Variants in SDK1 observed in about 807,000 individuals in gnomAD.
SDK1 encodes the protein sidekick cell adhesion molecule 1.
A neutral mutation model predicts 245.5 loss-of-function variants in SDK1; 157 were observed. That is an observed-to-expected ratio of 0.64 (90% confidence interval 0.56 to 0.73). SDK1 has a LOEUF of 0.73. SDK1 is among the 30% of genes least tolerant of loss of function. SDK1 has a pLI of 0.00. For missense variants in SDK1, 3,583 were observed against 3,002.3 expected (o/e 1.19, Z -4.52); for synonymous variants, 1,647 against 1,278.5 (o/e 1.29, Z -6.15).
At chr7:3,559,776 CAA>C (rs1779693582) in intron 1 of SDK1, among the ~76,000 whole-genome samples, 1 of 141,700 alleles carries the variant, frequency 7.1e-6, no homozygotes, top group Admixed American at 7.0e-5. Flanking sequence ...AAAAAAAACA[CAA>C]AAATCTAAAC....
At chr7:4,069,318 A>G (rs561613508) in intron 20 of SDK1, among the ~76,000 whole-genome samples, 2 of 152,148 alleles carry the variant, frequency 1.3e-5, no homozygotes, top group African/African-American at 4.8e-5. Flanking sequence ...TTTTCTAAAC[A>G]TTACCAAGGA....
At chr7:3,520,769 C>T (rs1922018) in intron 1 of SDK1, among the ~76,000 whole-genome samples, 111,543 of 152,134 alleles carry the variant, frequency 0.73, 42,103 homozygotes, top group African/African-American at 0.92. Context: ...CCAGCTGCTG[C>T]TGGCATAGCA....
chr7:3,495,041 A>G (rs1030650399), intron 1 of SDK1, among the ~76,000 whole-genome samples: 5 of 151,880 alleles, frequency 3.3e-5, no homozygotes, highest in East Asian at 1.9e-4. Flanking sequence ...AATTTCTTCA[A>G]TTTGTCTCTC....
At chr7:3,691,053 A>G (rs887693224) in intron 4 of SDK1, among the ~76,000 whole-genome samples, 3 of 152,222 alleles carry the variant, frequency 2.0e-5, no homozygotes, top group Non-Finnish European at 4.4e-5. Context: ...AAAAATTTTC[A>G]ACTTATTAGA....
At chr7:3,348,037 T>G (rs1387942725) in intron 1 of SDK1, among the ~76,000 whole-genome samples, 1 of 152,178 alleles carries the variant, frequency 6.6e-6, no homozygotes, top group Non-Finnish European at 1.5e-5. Flanking sequence ...TGAGGTGGAT[T>G]CAGGTCCTAG....
At chr7:4,190,196 G>T (rs1453238134) in intron 35 of SDK1, among the ~76,000 whole-genome samples, 1 of 152,176 alleles carries the variant, frequency 6.6e-6, no homozygotes, top group Non-Finnish European at 1.5e-5. Flanking sequence ...CATCATCGAC[G>T]TTCCCAGGGC....
chr7:3,985,300 T>C (rs184221397), intron 13 of SDK1, among the ~76,000 whole-genome samples: 2 of 152,396 alleles, frequency 1.3e-5, no homozygotes, highest in African/African-American at 4.8e-5. Context: ...AACCATCTTA[T>C]TTGGCTATAT....
intron 5 of SDK1, among the ~76,000 whole-genome samples, chr7:3,849,908 A>G (rs1780376645): frequency 6.6e-6 from 1 of 152,246 alleles, no homozygotes. Flanking sequence ...TGGCCTCACA[A>G]TAAAATATTA....
chr7:4,085,332 A>AG (rs1381243470), intron 22 of SDK1, among the ~76,000 whole-genome samples: 36 of 152,244 alleles, frequency 2.4e-4, no homozygotes, highest in Admixed American at 2.4e-3. Context: ...ATACCATGGA[A>AG]GTGTAATATA....
At chr7:3,547,849 C>T (rs920712884) in intron 1 of SDK1, among the ~76,000 whole-genome samples, 6 of 152,170 alleles carry the variant, frequency 3.9e-5, no homozygotes, top group African/African-American at 1.4e-4. Context: ...TTTTTGCCAC[C>T]CTGCTTTCCT....
chr7:4,159,258 G>C (rs985294950), intron 31 of SDK1, among the ~76,000 whole-genome samples: 1 of 152,192 alleles, frequency 6.6e-6, no homozygotes, highest in Non-Finnish European at 1.5e-5. Flanking sequence ...CCAATTTCCA[G>C]CTGGCTCACC....
chr7:3,737,481 A>G (rs7785239), intron 4 of SDK1, among the ~76,000 whole-genome samples: 18,773 of 152,054 alleles, frequency 0.12, 1,756 homozygotes, highest in African/African-American at 0.26. Flanking sequence ...CTGTAGGCTG[A>G]GCCCCAGGGC....
intron 40 of SDK1, among the ~76,000 whole-genome samples, chr7:4,225,811 C>G (rs1288564994): frequency 6.6e-6 from 1 of 152,114 alleles, no homozygotes; most frequent in Non-Finnish European, 1.5e-5. Flanking sequence ...TGACAACAGA[C>G]TTATCAAGAA....
At chr7:3,375,760 A>C (rs1311407825) in intron 1 of SDK1, among the ~76,000 whole-genome samples, 1 of 152,150 alleles carries the variant, frequency 6.6e-6, no homozygotes, top group Non-Finnish European at 1.5e-5. Flanking sequence ...AGCCCCAGGG[A>C]AGCCTTCAGA....
intron 25 of SDK1, among the ~76,000 whole-genome samples, chr7:4,121,864 G>A (rs1784085727): frequency 6.6e-6 from 1 of 152,160 alleles, no homozygotes; most frequent in African/African-American, 2.4e-5. Context: ...AATTGAATGT[G>A]TGTTTAATTA....
chr7:4,004,100 A>C (rs1335616317), intron 14 of SDK1, among the ~76,000 whole-genome samples: 1 of 152,236 alleles, frequency 6.6e-6, no homozygotes, highest in East Asian at 1.9e-4. Context: ...TGAAAGTTGA[A>C]CGTGGACACA....
At chr7:4,209,414 C>T (rs1055861522) in intron 37 of SDK1, among the ~76,000 whole-genome samples, 3 of 152,188 alleles carry the variant, frequency 2.0e-5, no homozygotes, top group African/African-American at 7.2e-5. Context: ...TACACGGCGC[C>T]CGGGCAGAGG....
At chr7:4,218,033 G>A (rs1244609212) in intron 38 of SDK1, among the ~76,000 whole-genome samples, 1 of 152,160 alleles carries the variant, frequency 6.6e-6, no homozygotes, top group Admixed American at 6.5e-5. Context: ...TCACCTCTCT[G>A]AGCAATGGAA....
chr7:3,565,586 T>A (rs1779885379), intron 1 of SDK1, among the ~76,000 whole-genome samples: 1 of 152,224 alleles, frequency 6.6e-6, no homozygotes, highest in Non-Finnish European at 1.5e-5. Context: ...CATTACTGTG[T>A]ATAAACAGTC....
Sources: gnomAD v4.1 joint callset for allele counts (sites outside exome capture counted in the v4.1 genomes callset) on GRCh38, gnomAD v4.1.1 for gene constraint, MANE v1.5 for transcripts, NCBI Gene and HGNC (gene_info 2026-07-23, HGNC 2026-07-21) for gene names.